KCNQ3: variants seen among roughly 807,000 people sequenced by gnomAD.
KCNQ3 encodes potassium voltage-gated channel subfamily Q member 3, also known as potassium voltage-gated channel subfamily KQT member 3.
A neutral mutation model predicts 92.5 loss-of-function variants in KCNQ3; 30 were observed. That is an observed-to-expected ratio of 0.32 (90% CI 0.24 to 0.44). The LOEUF (loss-of-function observed/expected upper bound fraction) is 0.44. Among genes scored for constraint, KCNQ3 ranks in the 20% least tolerant of loss-of-function variants. The pLI, the probability that KCNQ3 is intolerant of heterozygous loss-of-function variation, is 1.00. For synonymous variants in KCNQ3, 450 were observed against 468.8 expected, an observed-to-expected ratio of 0.96 and a Z score of 0.52; for missense variants, 913 against 1,140.3, an observed-to-expected ratio of 0.80 and a Z score of 2.87.
intron 1 of KCNQ3, among the ~76,000 whole-genome samples, chr8:132,468,418 A>T (rs545497379): frequency 6.6e-6 from 1 of 152,342 alleles, no homozygotes; most frequent in East Asian, 1.9e-4. Flanking sequence ...GCAGAAATAA[A>T]CTTAAACTGC....
chr8:132,437,161 C>A (rs893549439), intron 1 of KCNQ3, among the ~76,000 whole-genome samples: 3 of 151,724 alleles, frequency 2.0e-5, no homozygotes, highest in Admixed American at 2.0e-4. Context: ...CACCTGTAGT[C>A]CCAGCTACTC....
chr8:132,166,306 A>C (rs1826142348), intron 8 of KCNQ3, among the ~76,000 whole-genome samples: 1 of 151,782 alleles, frequency 6.6e-6, no homozygotes, highest in African/African-American at 2.4e-5. Context: ...ACATAATTCC[A>C]CTCTCCCTAC....
chr8:132,402,021 G>A (rs1181705387), intron 1 of KCNQ3, among the ~76,000 whole-genome samples: 3 of 152,178 alleles, frequency 2.0e-5, no homozygotes, highest in Admixed American at 6.5e-5. Flanking sequence ...CTGTGCCTGG[G>A]TTTTCTCCTT....
intron 1 of KCNQ3, among the ~76,000 whole-genome samples, chr8:132,441,127 C>T (rs890585490): frequency 2.0e-5 from 3 of 151,864 alleles, no homozygotes; most frequent in Non-Finnish European, 4.4e-5. Flanking sequence ...AATGGTGGGG[C>T]CCAGTACACT....
chr8:132,444,737 A>C (rs1423495454), intron 1 of KCNQ3, among the ~76,000 whole-genome samples: 1 of 152,230 alleles, frequency 6.6e-6, no homozygotes, highest in African/African-American at 2.4e-5. Context: ...GCAGGATGGC[A>C]GATTGCAGAG....
intron 1 of KCNQ3, among the ~76,000 whole-genome samples, chr8:132,317,075 C>A (rs867700542): frequency 1.1e-4 from 17 of 152,056 alleles, no homozygotes; most frequent in African/African-American, 4.1e-4. Flanking sequence ...TTTTCAGTTC[C>A]CAAATTATTT....
intron 1 of KCNQ3, among the ~76,000 whole-genome samples, chr8:132,306,898 A>C (rs1477452319): frequency 1.3e-5 from 2 of 152,196 alleles, no homozygotes; most frequent in African/African-American, 4.8e-5. Flanking sequence ...AATCCACATA[A>C]GGAGTTTTTG....
intron 1 of KCNQ3, among the ~76,000 whole-genome samples, chr8:132,388,029 A>G (rs376712039): frequency 6.7e-6 from 1 of 149,748 alleles, no homozygotes; most frequent in East Asian, 2.0e-4. Context: ...AGGAAGAAGA[A>G]GAAGAGGAAG....
chr8:132,236,252 A>G (rs1332976136), intron 1 of KCNQ3, among the ~76,000 whole-genome samples: 1 of 152,174 alleles, frequency 6.6e-6, no homozygotes, highest in Admixed American at 6.5e-5. Flanking sequence ...AAATATTTAA[A>G]TCTTCCAGGG....
chr8:132,372,760 A>C (rs1396138414), intron 1 of KCNQ3, among the ~76,000 whole-genome samples: 1 of 76,358 alleles, frequency 1.3e-5, no homozygotes, highest in Non-Finnish European at 2.4e-5. Context: ...ACTTTGTCTC[A>C]AAAAAAAAAA....
At chr8:132,249,980 G>A (rs780334688) in intron 1 of KCNQ3, among the ~76,000 whole-genome samples, 9 of 152,198 alleles carry the variant, frequency 5.9e-5, no homozygotes, top group Middle Eastern at 6.8e-3. Flanking sequence ...ATGCCCACCC[G>A]GAACTTGCGC....
intron 4 of KCNQ3, among the ~76,000 whole-genome samples, chr8:132,179,111 G>C (rs575005408): frequency 1.3e-5 from 2 of 150,342 alleles, no homozygotes; most frequent in Admixed American, 1.3e-4. Context: ...TTTTCTGCCT[G>C]AGCTGAGACA....
At chr8:132,139,752 T>C (rs1455550545) in intron 11 of KCNQ3, among the ~76,000 whole-genome samples, 1 of 152,096 alleles carries the variant, frequency 6.6e-6, no homozygotes. Context: ...AAGAAAACCC[T>C]CCACTCTGAC....
At chr8:132,349,386 A>AT (rs1299459378) in intron 1 of KCNQ3, among the ~76,000 whole-genome samples, 2 of 152,220 alleles carry the variant, frequency 1.3e-5, no homozygotes, top group African/African-American at 4.8e-5. Context: ...GATACGCTGC[A>AT]TTTTTCCTTA....
chr8:132,421,899 T>C (rs1016645432), intron 1 of KCNQ3, among the ~76,000 whole-genome samples: 3 of 152,180 alleles, frequency 2.0e-5, no homozygotes, highest in African/African-American at 7.2e-5. Flanking sequence ...TGGGCCAGGT[T>C]CAAATCCTCA....
At chr8:132,329,620 C>A (rs967426498) in intron 1 of KCNQ3, among the ~76,000 whole-genome samples, 2 of 152,190 alleles carry the variant, frequency 1.3e-5, no homozygotes, top group African/African-American at 4.8e-5. Context: ...AAGGCACCCC[C>A]AGATAGCTCT....
intron 1 of KCNQ3, among the ~76,000 whole-genome samples, chr8:132,381,686 G>A (rs1819754486): frequency 6.6e-6 from 1 of 152,236 alleles, no homozygotes; most frequent in Non-Finnish European, 1.5e-5. Flanking sequence ...AACAAAAGAA[G>A]TGTTGACCTT....
chr8:132,350,391 T>C (rs188935373), intron 1 of KCNQ3, among the ~76,000 whole-genome samples: 1 of 152,156 alleles, frequency 6.6e-6, no homozygotes, highest in Non-Finnish European at 1.5e-5. Context: ...TGTTCTAGTC[T>C]TCCTAACATC....
chr8:132,319,806 A>G (rs1240413416), intron 1 of KCNQ3, among the ~76,000 whole-genome samples: 1 of 152,124 alleles, frequency 6.6e-6, no homozygotes, highest in African/African-American at 2.4e-5. Flanking sequence ...ATTTATCTCA[A>G]CATGTACAGG....
Sources: allele counts gnomAD v4.1 joint callset (sites outside exome capture counted in the v4.1 genomes callset), GRCh38; gene constraint gnomAD v4.1.1; transcripts MANE v1.5; gene names NCBI Gene and HGNC (gene_info 2026-07-23, HGNC 2026-07-21).